Variants in MACROD2 observed in about 807,000 individuals in gnomAD.
The protein encoded by MACROD2 is ADP-ribose glycohydrolase MACROD2.
MACROD2 carries 36 observed loss-of-function variants against 70.4 expected under a neutral mutation model. The ratio of observed to expected loss-of-function variants is 0.51; its 90% CI spans 0.39 to 0.68. The LOEUF (loss-of-function observed/expected upper bound fraction) is 0.68, where lower values mean the gene tolerates loss of function less well. MACROD2 is among the 30% of genes least tolerant of loss of function. The pLI, the probability that MACROD2 is intolerant of heterozygous loss-of-function variation, is 0.00. For synonymous variants in MACROD2, 172 were observed against 178.8 expected, an observed-to-expected ratio of 0.96 and a Z score of 0.30; for missense variants, 496 against 538.4, an observed-to-expected ratio of 0.92 and a Z score of 0.78.
intron 5 of MACROD2, among the ~76,000 whole-genome samples, chr20:14,864,091 A>G (rs2122392269): frequency 6.6e-6 from 1 of 152,246 alleles, no homozygotes; most frequent in Non-Finnish European, 1.5e-5. Context: ...TAAAATGTGG[A>G]TGAGAACACT....
At chr20:14,905,996 G>T (rs749699090) in intron 5 of MACROD2, 1 of 151,814 alleles carries the variant, frequency 6.6e-6, no homozygotes, top group Non-Finnish European at 1.5e-5. Context: ...TTTTGTTTTT[G>T]TTTTTTGTTC....
intron 3 of MACROD2, among the ~76,000 whole-genome samples, chr20:14,244,206 A>T (rs963132298): frequency 3.9e-5 from 6 of 152,186 alleles, no homozygotes; most frequent in African/African-American, 1.4e-4. Flanking sequence ...TGCTCAAGGT[A>T]ACATAGAAGA....
chr20:15,865,679 C>A (rs548251035), intron 9 of MACROD2, among the ~76,000 whole-genome samples: 1 of 152,050 alleles, frequency 6.6e-6, no homozygotes, highest in Non-Finnish European at 1.5e-5. Flanking sequence ...GGAGACACAG[C>A]GAGGAAGTAA....
At chr20:14,881,679 T>G (rs2073612554) in intron 5 of MACROD2, among the ~76,000 whole-genome samples, 1 of 152,126 alleles carries the variant, frequency 6.6e-6, no homozygotes. Context: ...TACTCTACAG[T>G]GGCATTAAGA....
At chr20:15,443,163 C>G (rs1160068683) in intron 7 of MACROD2, among the ~76,000 whole-genome samples, 1 of 152,088 alleles carries the variant, frequency 6.6e-6, no homozygotes, top group South Asian at 2.1e-4. Context: ...GTTTCTGCAA[C>G]ACTCTAAGGC....
intron 3 of MACROD2, among the ~76,000 whole-genome samples, chr20:14,377,261 C>G (rs2083380543): frequency 6.6e-6 from 1 of 152,160 alleles, no homozygotes; most frequent in Non-Finnish European, 1.5e-5. Flanking sequence ...TTCTAAGGCT[C>G]AGAGAAAACA....
chr20:16,047,044 G>T (rs1024068797), intron 17 of MACROD2, among the ~76,000 whole-genome samples: 1 of 152,098 alleles, frequency 6.6e-6, no homozygotes, highest in Non-Finnish European at 1.5e-5. Flanking sequence ...GGGTCACCTG[G>T]CTAATAAATG....
At chr20:14,594,816 C>T (rs6042806) in intron 4 of MACROD2, among the ~76,000 whole-genome samples, 3,054 of 152,198 alleles carry the variant, frequency 0.02, 114 homozygotes, top group African/African-American at 0.07. Flanking sequence ...CGCTTGAACC[C>T]GGGAAGCGGA....
Position 14,606,096 on chromosome 20 carries a change from T to C in MACROD2, c.302-78747T>C, listed in dbSNP as rs144039414. Among the ~76,000 whole-genome samples the C allele has an allele frequency of 3.5e-4, 54 of 152,292 alleles. 1 individual carries two copies. The East Asian group carries it at 0.01, about 28-fold the overall frequency. On this transcript the variant is annotated intron_variant, in intron 4 of 17. Transcript: ENST00000684519. ...AATAGAATGGGCGCTTGTTACTATTTATAAGCATGGCATGGAATAATACTG... is the reference window on the plus strand; with the variant it reads ...AATAGAATGGGCGCTTGTTACTATTCATAAGCATGGCATGGAATAATACTG...
At chr20:14,247,961 G>C in intron 3 of MACROD2, among the ~76,000 whole-genome samples, 1 of 152,166 alleles carries the variant, frequency 6.6e-6, no homozygotes, top group Non-Finnish European at 1.5e-5. Flanking sequence ...CAGCATCATA[G>C]GTGGAGACTG....
At chr20:14,228,665 G>A (rs2081769374) in intron 3 of MACROD2, among the ~76,000 whole-genome samples, 1 of 152,104 alleles carries the variant, frequency 6.6e-6, no homozygotes, top group Admixed American at 6.6e-5. Context: ...CCTTGATTTA[G>A]GAAGATGTCT....
chr20:14,660,062 C>T (rs1208835108), intron 4 of MACROD2, among the ~76,000 whole-genome samples: 1 of 152,186 alleles, frequency 6.6e-6, no homozygotes, highest in African/African-American at 2.4e-5. Flanking sequence ...CCCATTCACT[C>T]TGTATGTTAC....
intron 3 of MACROD2, among the ~76,000 whole-genome samples, chr20:14,184,945 T>C (rs1246081437): frequency 6.6e-6 from 1 of 152,094 alleles, no homozygotes; most frequent in Non-Finnish European, 1.5e-5. Flanking sequence ...TGGGTTTTCC[T>C]AGAATATATC....
At chr20:15,723,207 C>CA (rs1318359081) in intron 8 of MACROD2, among the ~76,000 whole-genome samples, 1 of 152,188 alleles carries the variant, frequency 6.6e-6, no homozygotes, top group Non-Finnish European at 1.5e-5. Context: ...ACCACCCCCA[C>CA]ACAAACATAG....
intron 2 of MACROD2, among the ~76,000 whole-genome samples, chr20:14,025,594 G>A (rs1169696976): frequency 1.3e-5 from 2 of 152,078 alleles, no homozygotes; most frequent in African/African-American, 2.4e-5. Flanking sequence ...CCTTAATTTT[G>A]TTATTTACCC....
chr20:14,806,970 C>G (rs1435574095), intron 5 of MACROD2, among the ~76,000 whole-genome samples: 2 of 152,140 alleles, frequency 1.3e-5, no homozygotes, highest in African/African-American at 4.8e-5. Flanking sequence ...ACTCTCATCT[C>G]CCTGGGACAG....
chr20:15,744,635 G>A (rs2051152767), intron 8 of MACROD2, among the ~76,000 whole-genome samples: 2 of 151,552 alleles, frequency 1.3e-5, no homozygotes, highest in South Asian at 4.2e-4. Flanking sequence ...CTGAAGAAAT[G>A]AGGATACTAC....
chr20:15,898,707 TG>T (rs2065014358), intron 10 of MACROD2, among the ~76,000 whole-genome samples: 1 of 152,080 alleles, frequency 6.6e-6, no homozygotes, highest in Non-Finnish European at 1.5e-5. Flanking sequence ...CTAGGTTACC[TG>T]GGGTTGGCAG....
chr20:14,514,624 T>C (rs919045801), intron 4 of MACROD2, among the ~76,000 whole-genome samples: 3 of 152,148 alleles, frequency 2.0e-5, no homozygotes, highest in African/African-American at 7.2e-5. Context: ...TCTTCACTAA[T>C]ACAGGGAAGA....
Sources: allele counts gnomAD v4.1 joint callset (sites outside exome capture counted in the v4.1 genomes callset), GRCh38; gene constraint gnomAD v4.1.1; transcripts MANE v1.5; gene names NCBI Gene and HGNC (gene_info 2026-07-23, HGNC 2026-07-21).